SH3TC2: variants seen among roughly 807,000 people sequenced by gnomAD.
SH3TC2 encodes SH3 domain and tetratricopeptide repeats 2, also known as SH3 domain and tetratricopeptide repeat-containing protein 2.
A neutral mutation model predicts 124.5 loss-of-function variants in SH3TC2; 87 were observed. That is an observed-to-expected ratio of 0.70 (90% CI 0.59 to 0.84). The LOEUF (loss-of-function observed/expected upper bound fraction) is 0.84, where lower values mean the gene tolerates loss of function less well. SH3TC2 is among the 40% of genes least tolerant of loss of function. The probability of loss-of-function intolerance (pLI) is 0.00; values close to 1 mark genes in which losing one functional copy is unlikely to be tolerated. For missense variants in SH3TC2, 1,536 were observed against 1,566.4 expected (o/e 0.98, Z 0.33); for synonymous variants, 634 against 628.5 (o/e 1.01, Z -0.13).
chr5:149,042,858 G>C (rs1561770283), intron 4 of SH3TC2, 21 bp from the exon 5 acceptor site: 2 of 1,613,798 alleles, frequency 1.2e-6, no homozygotes, highest in Non-Finnish European at 1.7e-6. Flanking sequence ...AAGCCAACAA[G>C]ATTTCTGAAC....
Position 149,047,601 on chromosome 5 carries a change from C to G in SH3TC2, c.279+261G>C, listed in dbSNP as rs756642916. 9 of 450,536 alleles carry G rather than the reference C, an allele frequency of 2.0e-5. No homozygotes were observed. In the East Asian group the frequency reaches 3.8e-4, roughly 19 times the overall value. 27.9% of individuals were successfully genotyped at this position (450,536 alleles called of 1,614,324 possible). ...ATTCTATATAGGTTAAGTAACTTGT[C>G]AAAGATCACAACTAATAGAATATTT... is the stretch of plus-strand genomic sequence containing the variant. On this transcript the variant is annotated intron_variant, in intron 3 of 16. Coordinates refer to ENST00000515425, the MANE Select transcript of SH3TC2 (RefSeq NM_024577.4).
chr5:149,039,222 C>CA (rs922475225), intron 7 of SH3TC2, among the ~76,000 whole-genome samples: 2 of 152,156 alleles, frequency 1.3e-5, no homozygotes, highest in Admixed American at 6.5e-5. Flanking sequence ...TTTTTCTGTC[C>CA]AGTTTACAAA....
chr5:149,048,470 C>T (rs994659658), intron 2 of SH3TC2, among the ~76,000 whole-genome samples: 1 of 152,094 alleles, frequency 6.6e-6, no homozygotes, highest in East Asian at 1.9e-4. Context: ...GAACACATTA[C>T]ACATAAACAC....
rs1753265514 is a variant in SH3TC2, at chr5:148,982,433, T to C, written c.*22278A>G. ...AATCACAATCACATGAAATGACATG[T>C]GTATAAAGTTATTGATTGCAGCATT... On this transcript the variant is annotated 3_prime_UTR_variant, in exon 17 of 17. Coordinates refer to ENST00000515425, the MANE Select transcript of SH3TC2 (RefSeq NM_024577.4). Among the ~76,000 whole-genome samples, 1 of 152,218 alleles carries C rather than the reference T, an allele frequency of 6.6e-6. No homozygotes were observed. Among genetic ancestry groups the C allele is most frequent in the Non-Finnish European group, 1.5e-5 (1 of 68,040 alleles).
In SH3TC2 at chr5:149,000,923, C is replaced by T. The variant is rs1326315054; in HGVS notation, c.*3788G>A. 1.3e-5 allele frequency among the ~76,000 whole-genome samples: 2 copies of T among 152,314 alleles called. No individual in the cohort carries two copies. Among genetic ancestry groups the T allele is most frequent in the Admixed American group, 6.5e-5 (1 of 15,308 alleles). ...TTCATACAGTATAAAAATAGCACTG[C>T]TGAAAAACCCAGAGGTGAGGTTCTT... On this transcript the variant is annotated 3_prime_UTR_variant, in exon 17 of 17. Coordinates refer to ENST00000515425, the MANE Select transcript of SH3TC2 (RefSeq NM_024577.4).
intron 1 of SH3TC2, among the ~76,000 whole-genome samples, chr5:149,060,426 G>C (rs28595055): frequency 7.9e-4 from 120 of 152,318 alleles, no homozygotes; most frequent in African/African-American, 2.7e-3. Context: ...CCAGGGAACA[G>C]ATGCTGCAGG....
intron 15 of SH3TC2, chr5:149,007,544 A>G (rs574932925): frequency 1.8e-4 from 45 of 256,850 alleles, no homozygotes; most frequent in African/African-American, 1.0e-3. Context: ...TCCTCACACA[A>G]AAGTCTCTCT....
Position 149,015,967 on chromosome 5 carries a change from T to C in SH3TC2, c.3054-3233A>G, listed in dbSNP as rs77337946. Among the ~76,000 whole-genome samples, 1,349 of 152,320 alleles carry C rather than the reference T, an allele frequency of 8.9e-3. 13 individuals are homozygous for C. The highest frequency in any genetic ancestry group is 0.031 in the African/African-American group (1,270 of 41,562). ...TTGCAAATAAAGAAATCCAGTAGGA[T>C]GTTGTTGTTTTGATTTGTTTTTTGA... On this transcript the variant is annotated intron_variant, in intron 12 of 16. Transcript: ENST00000515425.
Position 149,004,837 on chromosome 5 carries a change from C to G in SH3TC2, c.3741G>C (p.Glu1247Asp). The G allele has an allele frequency of 7.4e-6, 12 of 1,614,184 alleles. No homozygotes were observed. The highest frequency in any genetic ancestry group is 1.0e-5 in the Non-Finnish European group (12 of 1,180,032). Residue 1247 changes from glutamate (E) to aspartate (D), a missense_variant, in exon 17 of 17, where the codon GAG (glutamate) becomes GAC (aspartate). This residue lies in a region of SH3TC2 where 426 missense variants were observed against 443.5 expected (regional missense o/e 0.96). Transcript: ENST00000515425. ...TGCTCCTAATGGTGTCCTGAAGCTCCTCATCACCCAGCAGGACCGCTGCTG... is the reference window on the plus strand; with the variant it reads ...TGCTCCTAATGGTGTCCTGAAGCTCGTCATCACCCAGCAGGACCGCTGCTG... ...ALAAAVLLGD[E>D]ELQDTIRSRL...
In SH3TC2 at chr5:149,004,457, T is replaced by G. The variant is rs1753649533; in HGVS notation, c.*254A>C. The G allele has an allele frequency of 5.8e-6, 3 of 519,088 alleles. No homozygotes were observed. Among genetic ancestry groups the G allele is most frequent in the Admixed American group, 6.7e-5 (2 of 29,638 alleles). The allele number at this position is 519,088 out of a possible 1,614,324, so 32.2% of individuals were successfully genotyped here. A position where few individuals can be genotyped will look rare whatever the true frequency, so the allele number is the denominator to read the frequency against. On this transcript the variant is annotated 3_prime_UTR_variant, in exon 17 of 17. Coordinates refer to ENST00000515425, the MANE Select transcript of SH3TC2 (RefSeq NM_024577.4). ...GAGAAAGTGCTTTTCAGAGGCTGTTTGTGTGGAAGGCAACAGTCAACCGGT... is the reference window on the plus strand; with the variant it reads ...GAGAAAGTGCTTTTCAGAGGCTGTTGGTGTGGAAGGCAACAGTCAACCGGT...
chr5:149,057,046 T>C (rs1039114273), intron 1 of SH3TC2, among the ~76,000 whole-genome samples: 7 of 152,200 alleles, frequency 4.6e-5, no homozygotes, highest in Admixed American at 1.3e-4. Context: ...TATAGGCACA[T>C]TTAAATATTA....
chr5:149,041,328 T>G, intron 6 of SH3TC2, 88 bp downstream of exon 6: 1 of 1,356,670 alleles, frequency 7.4e-7, no homozygotes, highest in Non-Finnish European at 1.0e-6. Context: ...ACACTATGGA[T>G]GCCCATATCT....
chr5:148,986,797 C>A lies in SH3TC2; in HGVS notation c.*17914G>T, dbSNP rs1220344033. ...ATCCCATTCCCATGCTGTAATCTCC[C>A]AGTCCTGTTCTGTCTTGCTCCTCCA... On this transcript the variant is annotated 3_prime_UTR_variant, in exon 17 of 17. Transcript: ENST00000515425. Among the ~76,000 whole-genome samples, 4 of 152,166 alleles carry A rather than the reference C, an allele frequency of 2.6e-5. No individual in the cohort carries two copies. In the East Asian group the frequency reaches 7.7e-4, roughly 29 times the overall value.
At chr5:149,043,215 G>A (rs978452785) in intron 4 of SH3TC2, among the ~76,000 whole-genome samples, 9 of 152,114 alleles carry the variant, frequency 5.9e-5, no homozygotes, top group African/African-American at 1.9e-4. Flanking sequence ...CTGACCTGAG[G>A]TTCAAACTAC....
intron 12 of SH3TC2, among the ~76,000 whole-genome samples, chr5:149,015,293 A>T (rs1753852366): frequency 6.6e-6 from 1 of 152,120 alleles, no homozygotes; most frequent in African/African-American, 2.4e-5. Flanking sequence ...GTGGTCTAAA[A>T]CTGGGCAGTA....
At chr5:149,015,226 A>T (rs919342731) in intron 12 of SH3TC2, among the ~76,000 whole-genome samples, 1 of 152,066 alleles carries the variant, frequency 6.6e-6, no homozygotes, top group Admixed American at 6.5e-5. Flanking sequence ...AAGACAACTG[A>T]CTCTCACCAA....
At chr5:149,022,398 T>A (rs1753989195) in intron 12 of SH3TC2, among the ~76,000 whole-genome samples, 1 of 152,082 alleles carries the variant, frequency 6.6e-6, no homozygotes, top group African/African-American at 2.4e-5. Context: ...TAACAAGTGG[T>A]GGTGAAGATG....
intron 1 of SH3TC2, among the ~76,000 whole-genome samples, chr5:149,052,652 G>A (rs1754578062): frequency 6.6e-6 from 1 of 152,176 alleles, no homozygotes; most frequent in Non-Finnish European, 1.5e-5. Context: ...GGAGACAATT[G>A]GGGTGTGGTT....
intron 1 of SH3TC2, among the ~76,000 whole-genome samples, chr5:149,056,129 G>A (rs1178556320): frequency 6.6e-6 from 1 of 151,394 alleles, no homozygotes; most frequent in Admixed American, 6.6e-5. Flanking sequence ...TTTTATTTTA[G>A]GTTTCGGGGT....
Sources: allele counts gnomAD v4.1 joint callset (sites outside exome capture counted in the v4.1 genomes callset), GRCh38; gene constraint gnomAD v4.1.1; regional missense constraint gnomAD v4.1.1; transcripts MANE v1.5; gene names NCBI Gene and HGNC (gene_info 2026-07-23, HGNC 2026-07-21).